Variants in CSNK1G2 observed in about 807,000 individuals in gnomAD.
The protein encoded by CSNK1G2 is casein kinase I isoform gamma-2.
A neutral mutation model predicts 48.0 loss-of-function variants in CSNK1G2; 11 were observed. The observed-to-expected ratio is 0.23, with a 90% CI of 0.14 to 0.38. CSNK1G2 has a LOEUF of 0.38. CSNK1G2 is among the 10% of genes least tolerant of loss of function. The pLI is 1.00. For synonymous variants in CSNK1G2, 337 were observed against 254.1 expected (o/e 1.33, Z -3.10); for missense variants, 446 against 595.5 (o/e 0.75, Z 2.61).
chr19:1,974,737 C>G (rs539933743), intron 2 of CSNK1G2: 1 of 152,320 alleles, frequency 6.6e-6, no homozygotes, highest in South Asian at 2.1e-4. Flanking sequence ...ATGAGCGACT[C>G]CAAGGCCAGG....
At chr19:1,958,529 C>T (rs188575156) in intron 1 of CSNK1G2, among the ~76,000 whole-genome samples, 2,497 of 135,398 alleles carry the variant, frequency 0.018, 135 homozygotes, top group African/African-American at 0.067. Context: ...GCACTGTCCC[C>T]TGTCCCTCCG....
At chr19:1,951,548 A>C (rs1482996991) in intron 1 of CSNK1G2, among the ~76,000 whole-genome samples, 2 of 146,246 alleles carry the variant, frequency 1.4e-5, no homozygotes, top group African/African-American at 2.6e-5. Context: ...TGTGGTGTGC[A>C]TGACGGACAG....
intron 2 of CSNK1G2, among the ~76,000 whole-genome samples, chr19:1,970,734 T>C (rs2015539049): frequency 6.6e-6 from 1 of 152,204 alleles, no homozygotes. Context: ...GGAGGGCATT[T>C]GGCGTCTGTT....
Position 1,979,577 on chromosome 19 carries a change from C to A in CSNK1G2, c.936C>A (p.Phe312Leu). 1 of 1,608,586 alleles carries A rather than the reference C, an allele frequency of 6.2e-7. No individual in the cohort carries two copies. Among genetic ancestry groups the A allele is most frequent in the Non-Finnish European group, 8.5e-7 (1 of 1,179,900 alleles). Reference sequence around the variant, plus strand: ...ACTATGACTACCTGCGGAAGCTCTTCACCGACCTCTTCGACCGCAGTGGCT... The same window carrying A: ...ACTATGACTACCTGCGGAAGCTCTTAACCGACCTCTTCGACCGCAGTGGCT... ...KPDYDYLRKL[F>L]TDLFDRSGFV... The change falls in exon 9 of 12, where the codon TTC becomes TTA. Residue 312 changes from phenylalanine to leucine, a missense_variant. By Grantham distance (22) the Phe-to-Leu change is conservative. Around this residue, in one of 2 missense-constraint regions of CSNK1G2, gnomAD observed 188 missense variants for 179.6 expected, o/e 1.05. Coordinates refer to ENST00000255641, the MANE Select transcript of CSNK1G2 (RefSeq NM_001319.7).
intron 1 of CSNK1G2, among the ~76,000 whole-genome samples, chr19:1,951,180 T>A (rs1269078464): frequency 6.9e-6 from 1 of 145,214 alleles, no homozygotes; most frequent in African/African-American, 2.7e-5. Context: ...GACGGGCAGA[T>A]CACGAGGTCA....
chr19:1,948,375 T>C (rs966681101), intron 1 of CSNK1G2, among the ~76,000 whole-genome samples: 3 of 151,612 alleles, frequency 2.0e-5, no homozygotes, highest in African/African-American at 7.3e-5. Flanking sequence ...GACAAAAAAT[T>C]AGCCGGGCGC....
At chr19:1,971,452 C>T (rs891625799) in intron 2 of CSNK1G2, among the ~76,000 whole-genome samples, 1 of 152,274 alleles carries the variant, frequency 6.6e-6, no homozygotes, top group African/African-American at 2.4e-5. Context: ...GAGCTGTGGC[C>T]TCCCAACCCC....
intron 1 of CSNK1G2, among the ~76,000 whole-genome samples, chr19:1,960,823 A>G (rs578053507): frequency 8.5e-5 from 13 of 152,164 alleles, no homozygotes; most frequent in Non-Finnish European, 1.3e-4. Flanking sequence ...CGGGAGGCGG[A>G]GGCTGCGGTG....
At chr19:1,947,737 G>C (rs1568180140) in intron 1 of CSNK1G2, among the ~76,000 whole-genome samples, 1 of 152,238 alleles carries the variant, frequency 6.6e-6, no homozygotes, top group Non-Finnish European at 1.5e-5. Flanking sequence ...CGCAGGGGTG[G>C]TGTGCGTTTG....
chr19:1,979,226 G>T lies in CSNK1G2; in HGVS notation c.746G>T (p.Ser249Ile), dbSNP rs774985143. ...GHMFMYFLRG[S>I]LPWQGLKADT... ...ATGTTCATGTACTTCCTGCGCGGCA[G>T]CCTCCCCTGGCAGGGGCTCAAGGTG... Residue 249 changes from serine to isoleucine, a missense_variant, in exon 7 of 12, where the codon AGC (serine) becomes ATC (isoleucine). Ser to Ile is a moderately radical substitution (Grantham distance 142). Coordinates refer to ENST00000255641, the MANE Select transcript of CSNK1G2 (RefSeq NM_001319.7). 1 of 1,552,712 alleles carries T rather than the reference G, an allele frequency of 6.4e-7. No individual in the cohort carries two copies. The highest frequency in any genetic ancestry group is 8.7e-7 in the Non-Finnish European group (1 of 1,148,320).
chr19:1,964,394 G>C (rs1355126209), intron 1 of CSNK1G2, among the ~76,000 whole-genome samples: 1 of 152,166 alleles, frequency 6.6e-6, no homozygotes, highest in Non-Finnish European at 1.5e-5. Context: ...GTCACTGCTG[G>C]AGGTGGCTTT....
intron 1 of CSNK1G2, among the ~76,000 whole-genome samples, chr19:1,948,991 C>T (rs1159485473): frequency 6.6e-6 from 1 of 152,008 alleles, no homozygotes; most frequent in Non-Finnish European, 1.5e-5. Context: ...CTGTCCTCGT[C>T]GTGTTCACGT....
intron 2 of CSNK1G2, among the ~76,000 whole-genome samples, chr19:1,972,161 G>A (rs2015596408): frequency 2.0e-5 from 3 of 152,236 alleles, no homozygotes. Flanking sequence ...GCACATCGTG[G>A]TTTCTCAGGG....
chr19:1,945,821 CA>C (rs71174398), intron 1 of CSNK1G2, among the ~76,000 whole-genome samples: 21,896 of 113,070 alleles, frequency 0.19, 2,152 homozygotes, highest in African/African-American at 0.38. Flanking sequence ...GACTCCGTCT[CA>C]AAAAAAAAAA....
At chr19:1,968,007 C>G (rs570713274) in intron 1 of CSNK1G2, among the ~76,000 whole-genome samples, 1 of 49,562 alleles carries the variant, frequency 2.0e-5, no homozygotes, top group East Asian at 9.5e-4. Context: ...GACCACCCTT[C>G]AGTTCTGCAG....
chr19:1,979,440 C>T (rs1340765074), intron 8 of CSNK1G2, 37 bp downstream of exon 8: 6 of 1,397,660 alleles, frequency 4.3e-6, no homozygotes, highest in South Asian at 2.6e-5. Flanking sequence ...GTGCCCCCCA[C>T]CCCCCACCCC....
rs930314857 is a variant in CSNK1G2, at chr19:1,978,590, C to T, written c.299-12C>T. 2 of 1,585,994 alleles carry T rather than the reference C, an allele frequency of 1.3e-6. No individual in the cohort carries two copies. Among genetic ancestry groups the T allele is most frequent in the Middle Eastern group, 1.7e-4 (1 of 6,000 alleles). The stretch of plus-strand genomic sequence containing the variant: ...TGCCGCCGCACGCCCGTGCGTCTGT[C>T]CTCCGCCGCAGAGGGCGTCCCTCAG... On this transcript the variant is annotated splice_polypyrimidine_tract_variant and intron_variant, in intron 4 of 11. Transcript: ENST00000255641. The surrounding 1 kb of genome is among the most constrained non-coding windows in gnomAD (Gnocchi z 7.3).
chr19:1,953,167 T>C (rs55814949), intron 1 of CSNK1G2, among the ~76,000 whole-genome samples: 20,176 of 152,086 alleles, frequency 0.13, 1,444 homozygotes, highest in South Asian at 0.19. Context: ...GGACCTGCCG[T>C]GGGAGCTTTC....
chr19:1,971,692 C>G (rs1394871941), intron 2 of CSNK1G2, among the ~76,000 whole-genome samples: 1 of 151,894 alleles, frequency 6.6e-6, no homozygotes, highest in Non-Finnish European at 1.5e-5. Context: ...GGGTCCTGTC[C>G]TTGGGCGGCG....
Sources: allele counts gnomAD v4.1 joint callset (sites outside exome capture counted in the v4.1 genomes callset), GRCh38; gene constraint gnomAD v4.1.1; regional missense constraint gnomAD v4.1.1; non-coding constraint Gnocchi (gnomAD v3.1); transcripts MANE v1.5; gene names NCBI Gene and HGNC (gene_info 2026-07-23, HGNC 2026-07-21).